The following PARN variants were observed in gnomAD, a reference collection of about 807,000 sequenced individuals.
PARN encodes the protein poly(A)-specific ribonuclease PARN.
In PARN, 71 loss-of-function variants were observed where a neutral mutation model predicts 102.8. The observed-to-expected ratio is 0.69, with a 90% CI of 0.57 to 0.84. The LOEUF (loss-of-function observed/expected upper bound fraction) is 0.84. Ranked by LOEUF, PARN falls within the 40% of genes least tolerant of loss-of-function variation. PARN has a pLI of 0.00. For synonymous variants in PARN, 261 were observed against 252.9 expected (o/e 1.03, Z -0.30); for missense variants, 782 against 760.9 (o/e 1.03, Z -0.33).
intron 18 of PARN, among the ~76,000 whole-genome samples, chr16:14,558,117 A>AT (rs1401274545): frequency 6.6e-6 from 1 of 152,196 alleles, no homozygotes; most frequent in Non-Finnish European, 1.5e-5. Context: ...TAAACACCAA[A>AT]TTTTTTAAAA....
intron 21 of PARN, among the ~76,000 whole-genome samples, chr16:14,538,406 G>C (rs574226511): frequency 1.3e-4 from 19 of 151,840 alleles, no homozygotes; most frequent in African/African-American, 4.6e-4. Context: ...TGTTAGTAGA[G>C]ACAGGGTTTT....
In PARN at chr16:14,482,777, C is replaced by T. The variant is rs759381342; in HGVS notation, c.1531G>A (p.Glu511Lys). 1.1e-5 allele frequency: 18 copies of T among 1,613,832 alleles called. No homozygotes were observed. Among genetic ancestry groups the T allele is most frequent in the Non-Finnish European group, 1.5e-5 (18 of 1,179,838 alleles). ...AESYRIQTYA[E>K]YMGRKQEEKQ... ...TCTTCCTGTTTTCTCCCCATATATT[C>T]AGCATAGGTTTGGATCCGATAGCTT... Residue 511 changes from glutamate (E) to lysine (K), a missense_variant, in exon 22 of 24, where the codon GAA (glutamate) becomes AAA (lysine). Transcript: ENST00000437198.
chr16:14,523,925 C>G (rs759657078), intron 21 of PARN, among the ~76,000 whole-genome samples: 1 of 151,994 alleles, frequency 6.6e-6, no homozygotes, highest in African/African-American at 2.4e-5. Flanking sequence ...CTGGGCTATA[C>G]AGTATAGCCT....
intron 12 of PARN, among the ~76,000 whole-genome samples, chr16:14,595,958 C>T (rs960872894): frequency 6.6e-6 from 1 of 152,076 alleles, no homozygotes; most frequent in African/African-American, 2.4e-5. Context: ...GCCACCATGC[C>T]CAGCTACATA....
chr16:14,561,665 C>T (rs1030952942), intron 18 of PARN, among the ~76,000 whole-genome samples: 21 of 151,952 alleles, frequency 1.4e-4, no homozygotes, highest in Non-Finnish European at 8.8e-5. Flanking sequence ...GTAAATTAGC[C>T]GGGCAAGGTG....
intron 18 of PARN, among the ~76,000 whole-genome samples, chr16:14,570,235 A>T (rs1476375836): frequency 1.5e-5 from 2 of 135,316 alleles, no homozygotes; most frequent in Non-Finnish European, 3.1e-5. Context: ...ACTACTCAGG[A>T]GGCTGGGGCA....
At chr16:14,610,904 AT>A in intron 6 of PARN, 95 bp from the exon 7 acceptor site, 1 of 759,592 alleles carries the variant, frequency 1.3e-6, no homozygotes, top group Non-Finnish European at 2.2e-6. Context: ...CTCAGGAAAG[AT>A]TTACCATATT....
chr16:14,559,247 T>C (rs1379271103), intron 18 of PARN, among the ~76,000 whole-genome samples: 1 of 151,838 alleles, frequency 6.6e-6, no homozygotes, highest in Admixed American at 6.6e-5. Context: ...TATTTCTTTA[T>C]TTTATTTTTT....
At chr16:14,534,812 A>C (rs554643794) in intron 21 of PARN, among the ~76,000 whole-genome samples, 1 of 152,026 alleles carries the variant, frequency 6.6e-6, no homozygotes, top group East Asian at 1.9e-4. Flanking sequence ...TGGACTGCAT[A>C]ATGTAAAGTT....
chr16:14,469,054 T>C (rs1962554330), intron 22 of PARN, among the ~76,000 whole-genome samples: 1 of 151,908 alleles, frequency 6.6e-6, no homozygotes, highest in African/African-American at 2.4e-5. Flanking sequence ...TCCCAGCACT[T>C]TGGGAGGTCG....
rs1966448399 is a variant in PARN at position 14,533,232 on chromosome 16, C to G, written c.1480+18789G>C. ...CAGCCCGGCCAACACAGCGAAACCC[C>G]GTCTCCACCAAAAAAATATGAAAAC... is the stretch of plus-strand genomic sequence containing the variant. On this transcript the variant is annotated intron_variant, in intron 21 of 23. Coordinates refer to ENST00000437198, the MANE Select transcript of PARN (RefSeq NM_002582.4). 4.6e-5 allele frequency among the ~76,000 whole-genome samples: 7 copies of G among 152,124 alleles called. No homozygotes were observed. In the South Asian group the frequency reaches 1.5e-3, roughly 32 times the overall value.
chr16:14,512,950 C>A (rs1031032844), intron 21 of PARN, among the ~76,000 whole-genome samples: 1 of 152,142 alleles, frequency 6.6e-6, no homozygotes, highest in African/African-American at 2.4e-5. Flanking sequence ...GAGATGGAGT[C>A]TCGCTCTGTC....
intron 21 of PARN, among the ~76,000 whole-genome samples, chr16:14,509,998 G>A (rs138237106): frequency 1.4e-3 from 212 of 152,206 alleles, no homozygotes; most frequent in African/African-American, 4.6e-3. Context: ...TCCTCACCCA[G>A]AGCAAACAAA....
chr16:14,476,577 C>A (rs1963063581), intron 22 of PARN, among the ~76,000 whole-genome samples: 1 of 152,170 alleles, frequency 6.6e-6, no homozygotes, highest in Admixed American at 6.5e-5. Flanking sequence ...TGCCTGTAAG[C>A]CCAGCACTTT....
intron 22 of PARN, among the ~76,000 whole-genome samples, chr16:14,464,393 T>A (rs953621269): frequency 1.3e-5 from 2 of 152,126 alleles, no homozygotes; most frequent in South Asian, 2.1e-4. Flanking sequence ...TGGAGCAGTA[T>A]CTTAAAATGA....
intron 21 of PARN, among the ~76,000 whole-genome samples, chr16:14,534,161 G>C (rs1213408912): frequency 6.6e-6 from 1 of 150,810 alleles, no homozygotes; most frequent in Non-Finnish European, 1.5e-5. Flanking sequence ...CAAGGCTGCT[G>C]TGAACCAAGA....
At chr16:14,586,191 G>C (rs1250153969) in intron 14 of PARN, 127 bp downstream of exon 14, 2 of 628,628 alleles carry the variant, frequency 3.2e-6, no homozygotes, top group Non-Finnish European at 5.8e-6. Context: ...GCCCAGGCTG[G>C]TTCTGAACTC....
chr16:14,465,139 C>T (rs1962249757), intron 22 of PARN, among the ~76,000 whole-genome samples: 1 of 152,140 alleles, frequency 6.6e-6, no homozygotes, highest in Non-Finnish European at 1.5e-5. Context: ...GTGAACACAG[C>T]TCACTGCAGC....
intron 22 of PARN, among the ~76,000 whole-genome samples, chr16:14,453,300 G>C (rs891354313): frequency 3.9e-5 from 6 of 152,146 alleles, no homozygotes; most frequent in Admixed American, 3.9e-4. Context: ...AATTCCACAA[G>C]GGTGAACATC....
Sources: allele counts gnomAD v4.1 joint callset (sites outside exome capture counted in the v4.1 genomes callset), GRCh38; gene constraint gnomAD v4.1.1; transcripts MANE v1.5; gene names NCBI Gene and HGNC (gene_info 2026-07-23, HGNC 2026-07-21).